Variants in TTN observed in about 807,000 individuals in gnomAD.
The protein encoded by TTN is titin.
In TTN, 1,525 loss-of-function variants were observed where a neutral mutation model predicts 3,223.0. The observed-to-expected ratio is 0.47, with a 90% CI of 0.45 to 0.49. The LOEUF is 0.49. TTN is among the 20% of genes least tolerant of loss of function. The pLI is 0.00. For synonymous variants in TTN, 14,094 were observed against 15,161.0 expected, an observed-to-expected ratio of 0.93 and a Z score of 5.17; for missense variants, 40,786 against 43,424.0, an observed-to-expected ratio of 0.94 and a Z score of 5.40.
chr2:178,755,675 C>T (rs1051120682), intron 46 of TTN, among the ~76,000 whole-genome samples: 1 of 152,164 alleles, frequency 6.6e-6, no homozygotes, highest in African/African-American at 2.4e-5. Context: ...AACTCCTGAC[C>T]TCAAGTGATC....
At position 178,548,332 on chromosome 2, in the gene TTN, A is replaced by C. The variant is rs1047537008; in HGVS notation, c.93294T>G (p.Val31098=). The part of the protein sequence containing the change: ...FRVSAVNEYG[V]GEPYEMPEPI... ...GTTCTGGCATTTCATAGGGCTCACC[A>C]ACACCATACTCATTTACTGCAGAAA... is the stretch of plus-strand genomic sequence containing the variant. The change falls in exon 339 of 363, where the codon GTT becomes GTG. Residue 31098 remains valine, a synonymous_variant. Coordinates refer to ENST00000589042, the MANE Select transcript of TTN (RefSeq NM_001267550.2). This position sits in a 1 kb window ranked among gnomAD's most constrained non-coding sequence, Gnocchi z 4.3. The C allele has an allele frequency of 6.2e-7, 1 of 1,613,866 alleles. No homozygotes were observed. Among genetic ancestry groups the C allele is most frequent in the Non-Finnish European group, 8.5e-7 (1 of 1,179,822 alleles).
In TTN at chr2:178,573,961, T is replaced by C. The variant is rs397517692; in HGVS notation, c.72171A>G (p.Pro24057=). The C allele has an allele frequency of 1.2e-6, 2 of 1,613,402 alleles. No individual in the cohort carries two copies. The highest frequency in any genetic ancestry group is 1.3e-5 in the African/African-American group (1 of 75,018). The change falls in exon 326 of 363, where the codon CCA becomes CCG. Residue 24057 remains proline, a synonymous_variant. Transcript: ENST00000589042. ...CTTTGCTCCATTCCATTGTTGGAGG[T>C]GGGCGGCCTGAAACATCAGCTTCCA... ...FRLEADVSGR[P]PPTMEWSKDG... is the part of the protein sequence containing the mutation.
At chr2:178,794,598 C>T in intron 7 of TTN, 47 bp from the exon 8 acceptor site, 1 of 1,612,262 alleles carries the variant, frequency 6.2e-7, no homozygotes, top group Admixed American at 1.7e-5. Flanking sequence ...ATGACATGCC[C>T]AGTAGAAAAT....
In TTN at chr2:178,580,453, T is replaced by C. The variant is rs1481781346; in HGVS notation, c.66926A>G (p.Asp22309Gly). ...AGTGTCAAAGTCAGTTGACTTTATG[T>C]CCAGTCCAATCCTGTCTCTTAGATT... is the stretch of plus-strand genomic sequence containing the variant. The part of the protein sequence containing the change: ...NVNLRDRIGL[D>G]IKSTDFDTFL... Residue 22309 changes from aspartate to glycine, a missense_variant, in exon 317 of 363, where the codon GAC becomes GGC. By Grantham distance (94) the Asp-to-Gly change is moderately conservative. Transcript: ENST00000589042. The C allele has an allele frequency of 6.2e-7, 1 of 1,613,076 alleles. No individual in the cohort carries two copies. Among genetic ancestry groups the C allele is most frequent in the African/African-American group, 1.3e-5 (1 of 74,886 alleles).
Position 178,776,721 on chromosome 2 carries a change from TAA to T in TTN, c.5141_5142del (p.Leu1714GlnfsTer9). 1 of 1,614,040 alleles carries T rather than the reference TAA, an allele frequency of 6.2e-7. No individual in the cohort carries two copies. Among genetic ancestry groups the T allele is most frequent in the Non-Finnish European group, 8.5e-7 (1 of 1,179,992 alleles). The part of the protein sequence containing the change: ...FFKKKLTSLR[L>X]KRFGPAHFEC... ...TCAAAGTGGGCAGGCCCAAAGCGCTTAAGTCTTAAGGAAGTGAGTTTTTTCTT... is the reference window on the plus strand; with the variant it reads ...TCAAAGTGGGCAGGCCCAAAGCGCTTGTCTTAAGGAAGTGAGTTTTTTCTT... On this transcript the variant is annotated frameshift_variant, in exon 28 of 363. Coordinates refer to ENST00000589042, the MANE Select transcript of TTN (RefSeq NM_001267550.2). LOFTEE classifies it high-confidence loss of function.
At chr2:178,768,977 A>G (rs199623112) in intron 37 of TTN, 44 bp from the exon 38 acceptor site, 60 of 1,607,340 alleles carry the variant, frequency 3.7e-5, no homozygotes, top group South Asian at 2.2e-4. Context: ...ACTTTACGTA[A>G]ATATGATGTG....
chr2:178,804,037 G>C, intron 2 of TTN, among the ~76,000 whole-genome samples: 1 of 152,152 alleles, frequency 6.6e-6, no homozygotes, highest in Middle Eastern at 3.2e-3. Flanking sequence ...AATAAAGATT[G>C]AAAATAAAAT....
chr2:178,713,521 T>C, intron 92 of TTN, 149 bp from the exon 93 acceptor site: 1 of 1,234,304 alleles, frequency 8.1e-7, no homozygotes, highest in South Asian at 1.8e-5. Flanking sequence ...AACTCCTCTA[T>C]GGGTTCACAC....
intron 334 of TTN, 28 bp from the exon 335 acceptor site, chr2:178,553,424 T>A (rs756321465): frequency 6.4e-7 from 1 of 1,572,624 alleles, no homozygotes; most frequent in African/African-American, 1.4e-5. Context: ...ATACATACAG[T>A]GAATTTTAAA....
intron 242 of TTN, among the ~76,000 whole-genome samples, chr2:178,623,543 A>G (rs1214908634): frequency 1.3e-5 from 2 of 151,928 alleles, no homozygotes; most frequent in Non-Finnish European, 2.9e-5. Context: ...GTTTGAAAAT[A>G]TGCTCCTTGC....
chr2:178,740,970 TC>T lies in TTN; in HGVS notation c.12262del (p.Glu4088LysfsTer16). ...TILKAALITE[E>X]NQQLSYEHIA... is the part of the protein sequence containing the mutation. ...ATGCTCATAAGATAGTTGCTGGTTTTCTTCTGTAATTAAAGCAGCTTTCAAA... is the reference window on the plus strand; with the variant it reads ...ATGCTCATAAGATAGTTGCTGGTTTTTTCTGTAATTAAAGCAGCTTTCAAA... On this transcript the variant is annotated frameshift_variant, in exon 48 of 363. Transcript: ENST00000589042. LOFTEE classifies it high-confidence loss of function. 2 of 1,613,958 alleles carry T rather than the reference TC, an allele frequency of 1.2e-6. No homozygotes were observed. Among genetic ancestry groups the T allele is most frequent in the Non-Finnish European group, 1.7e-6 (2 of 1,179,846 alleles).
rs1326018374 is a variant in TTN at position 178,684,375 on chromosome 2, C to G, written c.32677G>C (p.Val10893Leu). ...TCTTTTTTAGTTACAGCAACAAGAACTTTTTCTTCCTGGGTAATTTGCATG... is the reference window on the plus strand; with the variant it reads ...TCTTTTTTAGTTACAGCAACAAGAAGTTTTTCTTCCTGGGTAATTTGCATG... The part of the protein sequence containing the change: ...RHMQITQEEK[V>L]LVAVTKKEAP... Residue 10893 changes from valine (V) to leucine (L), a missense_variant, in exon 132 of 363, where the codon GTT (valine) becomes CTT (leucine). Val to Leu is a conservative substitution (Grantham distance 32, BLOSUM62 1). Coordinates refer to ENST00000589042, the MANE Select transcript of TTN (RefSeq NM_001267550.2). 5 of 1,613,334 alleles carry G rather than the reference C, an allele frequency of 3.1e-6. No individual in the cohort carries two copies. The highest frequency in any genetic ancestry group is 3.4e-6 in the Non-Finnish European group (4 of 1,179,612).
At chr2:178,693,896 C>T in intron 118 of TTN, 26 bp downstream of exon 118, 1 of 1,597,364 alleles carries the variant, frequency 6.3e-7, no homozygotes, top group Non-Finnish European at 8.6e-7. Context: ...TCCATTTGAG[C>T]CCCCACATTC....
At position 178,617,112 on chromosome 2, in the gene TTN, CTATT is replaced by C. The variant is rs753206674; in HGVS notation, c.47875+4_47875+7del. On this transcript the variant is annotated splice_donor_5th_base_variant and intron_variant, in intron 255 of 362. Transcript: ENST00000589042. ...ATTCCCCGATCTAAAAATAAAATAT[CTATT>C]TACCAAATGCATCGTCAGCGGTGAG... The C allele has an allele frequency of 3.3e-5, 53 of 1,610,256 alleles. No individual in the cohort carries two copies. The highest frequency in any genetic ancestry group is 4.3e-5 in the Non-Finnish European group (51 of 1,178,270).
intron 124 of TTN, 42 bp downstream of exon 124, chr2:178,689,248 T>C: frequency 1.2e-6 from 2 of 1,602,110 alleles, no homozygotes; most frequent in Admixed American, 1.7e-5. Flanking sequence ...ACAAAATCAC[T>C]GGAACATAAA....
At chr2:178,788,918 G>T (rs558991405) in intron 13 of TTN, among the ~76,000 whole-genome samples, 19 of 152,084 alleles carry the variant, frequency 1.2e-4, no homozygotes, top group Admixed American at 3.3e-4. Flanking sequence ...GAAAATTATG[G>T]GTAATTTACT....
Position 178,717,585 on chromosome 2 carries a change from T to C in TTN, c.25289A>G (p.Tyr8430Cys), listed in dbSNP as rs2077680471. 2 of 1,613,162 alleles carry C rather than the reference T, an allele frequency of 1.2e-6. No homozygotes were observed. Among genetic ancestry groups the C allele is most frequent in the Non-Finnish European group, 8.5e-7 (1 of 1,179,564 alleles). ...LQTDQSHIGQ[Y>C]NCSASNPLGT... is the part of the protein sequence containing the mutation. ...AAGAGGATTAGAAGCAGAGCAATTA[T>C]ACTGCCCTATGTGGCTCTGGTCAGT... Residue 8430 changes from tyrosine to cysteine, a missense_variant, in exon 87 of 363, where the codon TAT becomes TGT. Coordinates refer to ENST00000589042, the MANE Select transcript of TTN (RefSeq NM_001267550.2).
At position 178,557,044 on chromosome 2, in the gene TTN, G is replaced by T; in HGVS notation, c.88110C>A (p.Tyr29370Ter). 2 of 1,613,800 alleles carry T rather than the reference G, an allele frequency of 1.2e-6. No individual in the cohort carries two copies. The highest frequency in any genetic ancestry group is 1.7e-6 in the Non-Finnish European group (2 of 1,179,834). The change falls in exon 330 of 363, where the codon TAC becomes TAA. Residue 29370 changes from tyrosine (Y) to a stop codon, truncating the protein, a stop_gained. Transcript: ENST00000589042. LOFTEE classifies it high-confidence loss of function. Reference protein sequence around the residue: ...AFDGGSKITGYIVERRDLPDG... With the variant: ...AFDGGSKITG Reference sequence around the variant, plus strand: ...CTGGAAGGTCACGTCTCTCAACAATGTAGCCTGTAATCTTGCTACCTCCAT... The same window carrying T: ...CTGGAAGGTCACGTCTCTCAACAATTTAGCCTGTAATCTTGCTACCTCCAT...
At chr2:178,689,166 T>G in intron 124 of TTN, 30 bp from the exon 125 acceptor site, 1 of 1,595,744 alleles carries the variant, frequency 6.3e-7, no homozygotes, top group Non-Finnish European at 8.5e-7. Flanking sequence ...TTTTAGAAAT[T>G]TAATGTGATC....
Sources: gnomAD v4.1 joint callset for allele counts (sites outside exome capture counted in the v4.1 genomes callset) on GRCh38, gnomAD v4.1.1 for gene constraint, Gnocchi (gnomAD v3.1) non-coding constraint, MANE v1.5 for transcripts, NCBI Gene and HGNC (gene_info 2026-07-23, HGNC 2026-07-21) for gene names.